Variants in AGO3 observed in about 807,000 individuals in gnomAD.
AGO3 encodes the protein protein argonaute-3.
A neutral mutation model predicts 105.5 loss-of-function variants in AGO3; 16 were observed. The ratio of observed to expected loss-of-function variants is 0.15; its 90% CI spans 0.10 to 0.23. AGO3 has a LOEUF of 0.23. Ranked by LOEUF, AGO3 falls within the 10% of genes least tolerant of loss-of-function variation. AGO3 has a pLI of 1.00. For synonymous variants in AGO3, 340 were observed against 367.3 expected (o/e 0.93, Z 0.85); for missense variants, 534 against 1,088.0 (o/e 0.49, Z 7.16).
At chr1:36,022,625 A>G (rs1194458143) in intron 11 of AGO3, among the ~76,000 whole-genome samples, 1 of 152,078 alleles carries the variant, frequency 6.6e-6, no homozygotes, top group Non-Finnish European at 1.5e-5. Flanking sequence ...GCCTAAACAC[A>G]CAAGAAAAAG....
chr1:35,940,460 C>G (rs995553363), intron 1 of AGO3, among the ~76,000 whole-genome samples: 1 of 152,134 alleles, frequency 6.6e-6, no homozygotes, highest in African/African-American at 2.4e-5. Context: ...AGTTTTCTCT[C>G]CTTGTTTTTC....
At chr1:35,998,082 T>C (rs553086864) in intron 5 of AGO3, among the ~76,000 whole-genome samples, 1 of 152,230 alleles carries the variant, frequency 6.6e-6, no homozygotes, top group African/African-American at 2.4e-5. Context: ...AGATATACTA[T>C]GTTTATGAAT....
At chr1:35,999,357 CTTG>C (rs1385507510) in intron 5 of AGO3, among the ~76,000 whole-genome samples, 3 of 152,020 alleles carry the variant, frequency 2.0e-5, no homozygotes, top group Non-Finnish European at 2.9e-5. Flanking sequence ...AAAATAAAGA[CTTG>C]TTGTGGCTAT....
chr1:35,966,840 A>T, intron 2 of AGO3, 115 bp from the exon 3 acceptor site: 1 of 1,212,124 alleles, frequency 8.2e-7, no homozygotes, highest in East Asian at 2.7e-5. Flanking sequence ...TTTATCATAT[A>T]TGAATATTTT....
intron 8 of AGO3, 43 bp from the exon 9 acceptor site, chr1:36,009,432 A>G (rs1640486321): frequency 1.3e-6 from 2 of 1,548,952 alleles, no homozygotes; most frequent in African/African-American, 2.8e-5. Context: ...AGCTAAAAAA[A>G]AAAGATATAT....
intron 12 of AGO3, among the ~76,000 whole-genome samples, chr1:36,033,828 A>G (rs1197559031): frequency 6.6e-6 from 1 of 152,144 alleles, no homozygotes; most frequent in East Asian, 1.9e-4. Flanking sequence ...AAATAATATA[A>G]ATGAGAAAAT....
chr1:35,989,889 A>T (rs976040454), intron 5 of AGO3, among the ~76,000 whole-genome samples: 1 of 152,092 alleles, frequency 6.6e-6, no homozygotes, highest in Admixed American at 6.5e-5. Flanking sequence ...AAAAATAAAA[A>T]GACCATCATA....
intron 9 of AGO3, 83 bp downstream of exon 9, chr1:36,009,677 A>G (rs1361666028): frequency 2.2e-6 from 3 of 1,354,798 alleles, no homozygotes; most frequent in Admixed American, 2.4e-5. Context: ...TTATCAACCC[A>G]TACCTTATGA....
chr1:35,964,537 T>G (rs1051376548), intron 2 of AGO3, among the ~76,000 whole-genome samples: 2 of 152,204 alleles, frequency 1.3e-5, no homozygotes, highest in Non-Finnish European at 2.9e-5. Flanking sequence ...TGATGGGCAT[T>G]TAGGTTGATT....
At position 36,003,694 on chromosome 1, in the gene AGO3, C is replaced by CAAAAA. The variant is rs1209511459; in HGVS notation, c.659-635_659-631dup. ...GGGAAACAAGAGTGAAAGTCTGTCT[C>CAAAAA]AAAAAAAAAAAAAAAATATATATAT... On this transcript the variant is annotated intron_variant, in intron 5 of 18. Transcript: ENST00000373191. 3.0e-3 allele frequency among the ~76,000 whole-genome samples: 158 copies of CAAAAA among 53,440 alleles called. 9 individuals are homozygous for CAAAAA. The highest frequency in any genetic ancestry group is 0.015 in the African/African-American group (124 of 8,500). 35.1% of individuals were successfully genotyped at this position (53,440 alleles called of 152,430 possible).
intron 1 of AGO3, among the ~76,000 whole-genome samples, chr1:35,933,395 C>G (rs1355697252): frequency 6.6e-6 from 1 of 151,978 alleles, no homozygotes; most frequent in Non-Finnish European, 1.5e-5. Context: ...GTAATCTCAG[C>G]ACTTTGGGAG....
At chr1:35,974,005 C>G (rs1646913743) in intron 5 of AGO3, among the ~76,000 whole-genome samples, 1 of 152,128 alleles carries the variant, frequency 6.6e-6, no homozygotes, top group South Asian at 2.1e-4. Context: ...AGCCATTACT[C>G]AGATTGTCAG....
chr1:35,938,247 G>A (rs1646188185), intron 1 of AGO3, among the ~76,000 whole-genome samples: 1 of 152,070 alleles, frequency 6.6e-6, no homozygotes, highest in South Asian at 2.1e-4. Flanking sequence ...GCCTACTGAA[G>A]TGCTGGGATT....
At chr1:35,952,438 C>T (rs533214477) in intron 2 of AGO3, among the ~76,000 whole-genome samples, 10 of 152,154 alleles carry the variant, frequency 6.6e-5, no homozygotes, top group African/African-American at 2.4e-4. Context: ...CCACTGCATC[C>T]GGCCGGATAT....
Position 35,943,325 on chromosome 1 carries a change from A to G in AGO3, c.20-2367A>G, listed in dbSNP as rs563691123. Among the ~76,000 whole-genome samples, 6 of 135,280 alleles carry G rather than the reference A, an allele frequency of 4.4e-5. No individual in the cohort carries two copies. In the East Asian group the frequency reaches 1.4e-3, roughly 32 times the overall value. The allele number at this position is 135,280 out of a possible 152,430, so 88.7% of individuals were successfully genotyped here. ...TCTTTTTTTTTTTTTTTTTTGGGAC[A>G]GAATCTCACTTAGCTGCCCAGGCTG... On this transcript the variant is annotated intron_variant, in intron 1 of 18. Coordinates refer to ENST00000373191, the MANE Select transcript of AGO3 (RefSeq NM_024852.4).
At chr1:35,957,498 G>C (rs1042601022) in intron 2 of AGO3, among the ~76,000 whole-genome samples, 71 of 152,104 alleles carry the variant, frequency 4.7e-4, no homozygotes, top group African/African-American at 1.6e-3. Context: ...GGCTGACGCA[G>C]GCAGATCACT....
At chr1:36,009,293 T>A (rs1640480139) in intron 8 of AGO3, 182 bp from the exon 9 acceptor site, 2 of 830,868 alleles carry the variant, frequency 2.4e-6, no homozygotes, top group Non-Finnish European at 3.6e-6. Flanking sequence ...TGGTGTACAT[T>A]TTACTTAATT....
At chr1:35,955,694 G>A (rs919579210) in intron 2 of AGO3, among the ~76,000 whole-genome samples, 6 of 151,534 alleles carry the variant, frequency 4.0e-5, no homozygotes, top group East Asian at 1.9e-4. Context: ...TCCTGGGCCC[G>A]AGCAATCCTC....
chr1:36,034,434 TTAA>T lies in AGO3; in HGVS notation c.1751+106_1751+108del, dbSNP rs1252881320. 5.1e-6 allele frequency: 4 copies of T among 790,418 alleles called. No individual in the cohort carries two copies. The Admixed American group carries it at 1.3e-4, about 25-fold the overall frequency. The allele number at this position is 790,418 out of a possible 1,614,324, so 49.0% of individuals were successfully genotyped here. On this transcript the variant is annotated intron_variant, in intron 13 of 18. Coordinates refer to ENST00000373191, the MANE Select transcript of AGO3 (RefSeq NM_024852.4). ...TATAAGGGCTGTGTAAGAGACCCCC[TTAA>T]TAATTCCTACTATGGGAGATTCGTA...
Sources: gnomAD v4.1 joint callset for allele counts (sites outside exome capture counted in the v4.1 genomes callset) on GRCh38, gnomAD v4.1.1 for gene constraint, MANE v1.5 for transcripts, NCBI Gene and HGNC (gene_info 2026-07-23, HGNC 2026-07-21) for gene names.